The following C3orf49 variants were observed in gnomAD, a reference collection of about 807,000 sequenced individuals.
The protein encoded by C3orf49 is chromosome 3 open reading frame 49.
In C3orf49, 27 loss-of-function variants were observed where a neutral mutation model predicts 13.3. The ratio of observed to expected loss-of-function variants is 2.02; its 90% CI spans 1.49 to 2.79. The LOEUF (loss-of-function observed/expected upper bound fraction) is 2.79, where lower values mean the gene tolerates loss of function less well. C3orf49 is among the 30% of genes most tolerant of loss of function. The pLI is 0.00. For missense variants in C3orf49, 242 were observed against 134.2 expected (o/e 1.80, Z -3.97); for synonymous variants, 87 against 47.6 (o/e 1.83, Z -3.40).
At chr3:63,813,076 C>T in the C3orf49 span, among the ~76,000 whole-genome samples, 1 of 152,138 alleles carries the variant, frequency 6.6e-6, no homozygotes, top group African/African-American at 2.4e-5. Context: ...AGATTACCTC[C>T]TTACCTGCGC....
the C3orf49 span, among the ~76,000 whole-genome samples, chr3:63,794,296 CTG>C: frequency 6.6e-6 from 1 of 152,144 alleles, no homozygotes; most frequent in Non-Finnish European, 1.5e-5. Flanking sequence ...TATAAACAAA[CTG>C]TGCTTCTGAC....
chr3:63,787,252 G>A, the C3orf49 span: 3 of 152,034 alleles, frequency 2.0e-5, no homozygotes, highest in African/African-American at 7.3e-5. Context: ...CAGGAACACA[G>A]GCAAATCCAT....
upstream of C3orf49, among the ~76,000 whole-genome samples, chr3:63,817,535 C>T (rs545156044): frequency 1.4e-4 from 21 of 152,054 alleles, no homozygotes; most frequent in Admixed American, 5.2e-4. Flanking sequence ...GTTTTACGAA[C>T]GAGAAAATGA....
the C3orf49 span, among the ~76,000 whole-genome samples, chr3:63,799,158 A>G: frequency 6.6e-6 from 1 of 152,114 alleles, no homozygotes; most frequent in Non-Finnish European, 1.5e-5. Flanking sequence ...GCTGATTTGG[A>G]GCAATATGCA....
At chr3:63,827,905 G>A (rs555268847) in intron 3 of C3orf49, among the ~76,000 whole-genome samples, 180 bp downstream of exon 3, 1 of 152,276 alleles carries the variant, frequency 6.6e-6, no homozygotes, top group East Asian at 1.9e-4. Flanking sequence ...CTACTTCTAA[G>A]CTCAAACTGT....
At chr3:63,845,740 A>C (rs985177251) in intron 6 of C3orf49, among the ~76,000 whole-genome samples, 1 of 152,194 alleles carries the variant, frequency 6.6e-6, no homozygotes, top group South Asian at 2.1e-4. Context: ...TGGCTTTGGA[A>C]GACCCAATAT....
Position 63,819,544 on chromosome 3 carries a change from T to C in C3orf49, c.73T>C (p.Phe25Leu), listed in dbSNP as rs1464124745. The change falls in exon 1 of 7, where the codon TTC becomes CTC. Residue 25 changes from phenylalanine (F) to leucine (L), a missense_variant. Coordinates refer to ENST00000295896, the MANE Select transcript of C3orf49 (RefSeq NM_001355236.2). ...AYRKVGQCRR[F>L]QQLKKKNGSF... ...CAGAAAAGTTGGACAGTGCCGAAGA[T>C]TCCAGCAACTCAAGAAGAAAAATGG... The C allele has an allele frequency of 4.3e-6, 3 of 703,222 alleles. No individual in the cohort carries two copies. The highest frequency in any genetic ancestry group is 7.8e-6 in the Non-Finnish European group (3 of 385,034). 43.6% of individuals were successfully genotyped at this position (703,222 alleles called of 1,614,324 possible).
chr3:63,845,168 C>T, intron 6 of C3orf49, 86 bp downstream of exon 6: 1 of 559,618 alleles, frequency 1.8e-6, no homozygotes, highest in South Asian at 2.5e-5. Flanking sequence ...GATCTGAGCT[C>T]TGCTCTCTTT....
At chr3:63,816,769 C>CTTTTTTTTTTTTTTTTTTTTTT (rs543894356), upstream of C3orf49, among the ~76,000 whole-genome samples, 1 of 97,172 alleles carries the variant, frequency 1.0e-5, no homozygotes, top group African/African-American at 4.6e-5. Context: ...CTTTTCTTTT[C>CTTTTTTTTTTTTTTTTTTTTTT]TTTTTTTTTT....
chr3:63,835,380 C>A (rs1437441906), intron 5 of C3orf49: 1 of 1,613,184 alleles, frequency 6.2e-7, no homozygotes, highest in Admixed American at 1.7e-5. Flanking sequence ...TTTCCCAGAG[C>A]CTCTAGTTCC....
intron 5 of C3orf49, chr3:63,832,167 C>G: frequency 4.7e-6 from 1 of 214,248 alleles, no homozygotes; most frequent in Non-Finnish European, 9.1e-6. Context: ...GCACTCCAGC[C>G]TGGGCGACAG....
At chr3:63,816,772 T>TC (rs1211982154), upstream of C3orf49, among the ~76,000 whole-genome samples, 18 of 135,258 alleles carry the variant, frequency 1.3e-4, no homozygotes, top group Admixed American at 7.3e-4. Context: ...TTCTTTTCTT[T>TC]TTTTTTTTTT....
intron 6 of C3orf49, among the ~76,000 whole-genome samples, chr3:63,845,313 G>A (rs1216798607): frequency 6.6e-6 from 1 of 152,156 alleles, no homozygotes; most frequent in Non-Finnish European, 1.5e-5. Context: ...GGTTCATAGT[G>A]GCTGACAAGT....
intron 3 of C3orf49, among the ~76,000 whole-genome samples, chr3:63,830,312 G>C (rs1303794824): frequency 6.6e-6 from 1 of 152,132 alleles, no homozygotes; most frequent in East Asian, 1.9e-4. Flanking sequence ...GAAAAAAGAG[G>C]GGTCTTACTT....
the C3orf49 span, among the ~76,000 whole-genome samples, chr3:63,786,465 G>A: frequency 6.6e-6 from 1 of 152,140 alleles, no homozygotes; most frequent in Non-Finnish European, 1.5e-5. Context: ...GAAACATGCT[G>A]ACTGTTTAAT....
At chr3:63,805,648 G>A in the C3orf49 span, among the ~76,000 whole-genome samples, 1 of 152,240 alleles carries the variant, frequency 6.6e-6, no homozygotes, top group African/African-American at 2.4e-5. Flanking sequence ...CTTTGGGTCT[G>A]CATTTGTATC....
chr3:63,831,823 G>A lies in C3orf49; in HGVS notation c.828G>A (p.Met276Ile), dbSNP rs76664296. 1 of 698,098 alleles carries A rather than the reference G, an allele frequency of 1.4e-6. No homozygotes were observed. Among genetic ancestry groups the A allele is most frequent in the Non-Finnish European group, 2.6e-6 (1 of 383,878 alleles). The allele number at this position is 698,098 out of a possible 1,614,324, so 43.2% of individuals were successfully genotyped here. Reference sequence around the variant, plus strand: ...TCCAGAGGATATCCAAGAGAACCATGAGGAAGTATAAATTAAAAAATGTGT... The same window carrying A: ...TCCAGAGGATATCCAAGAGAACCATAAGGAAGTATAAATTAAAAAATGTGT... ...KQFQRISKRT[M>I]RKYKLKNMTT... The change falls in exon 5 of 7, where the codon ATG becomes ATA. Residue 276 changes from methionine to isoleucine, a missense_variant. Transcript: ENST00000295896.
intron 3 of C3orf49, among the ~76,000 whole-genome samples, chr3:63,829,371 G>A (rs1269803474): frequency 6.6e-6 from 1 of 151,630 alleles, no homozygotes; most frequent in African/African-American, 2.4e-5. Flanking sequence ...CATTCATACA[G>A]AAAAAAAATG....
intron 3 of C3orf49, among the ~76,000 whole-genome samples, chr3:63,828,601 T>A (rs1324867742): frequency 6.6e-6 from 1 of 152,118 alleles, no homozygotes; most frequent in Middle Eastern, 3.2e-3. Context: ...TTACTGGCCA[T>A]GTATGTATGT....
Sources: allele counts gnomAD v4.1 joint callset (sites outside exome capture counted in the v4.1 genomes callset), GRCh38; gene constraint gnomAD v4.1.1; transcripts MANE v1.5; gene names NCBI Gene and HGNC (gene_info 2026-07-23, HGNC 2026-07-21).